Variants in KCNQ3 observed in about 807,000 individuals in gnomAD.
KCNQ3 encodes potassium voltage-gated channel subfamily Q member 3.
A neutral mutation model predicts 92.5 loss-of-function variants in KCNQ3; 30 were observed. The ratio of observed to expected loss-of-function variants is 0.32; its 90% CI spans 0.24 to 0.44. KCNQ3 has a LOEUF of 0.44. Ranked by LOEUF, KCNQ3 falls within the 20% of genes least tolerant of loss-of-function variation. The pLI, the probability that KCNQ3 is intolerant of heterozygous loss-of-function variation, is 1.00. For synonymous variants in KCNQ3, 450 were observed against 468.8 expected, an observed-to-expected ratio of 0.96 and a Z score of 0.52; for missense variants, 913 against 1,140.3, an observed-to-expected ratio of 0.80 and a Z score of 2.87.
intron 1 of KCNQ3, among the ~76,000 whole-genome samples, chr8:132,268,426 A>AT (rs1237514948): frequency 6.6e-6 from 1 of 151,896 alleles, no homozygotes; most frequent in Non-Finnish European, 1.5e-5. Flanking sequence ...ACCTGGCTAA[A>AT]TTTTGTATTT....
Position 132,135,304 on chromosome 8 carries a change from T to C in KCNQ3, c.1701-916A>G, listed in dbSNP as rs180874179. On this transcript the variant is annotated intron_variant, in intron 12 of 14. Transcript: ENST00000388996. ...CTGTGAGTCATTGGTTCCTGCTCTATGCCTGGACCAATAGGAAAGAAATGT... is the reference window on the plus strand; with the variant it reads ...CTGTGAGTCATTGGTTCCTGCTCTACGCCTGGACCAATAGGAAAGAAATGT... Among the ~76,000 whole-genome samples, 9 of 151,944 alleles carry C rather than the reference T, an allele frequency of 5.9e-5. No individual in the cohort carries two copies. In the East Asian group the frequency reaches 1.7e-3, roughly 30 times the overall value.
Position 132,123,359 on chromosome 8 carries a change from C to T in KCNQ3, c.*5903G>A, listed in dbSNP as rs1205004741. 1.3e-5 allele frequency: 2 copies of T among 152,266 alleles called. No homozygotes were observed. The highest frequency in any genetic ancestry group is 2.4e-5 in the African/African-American group (1 of 41,452). The allele number at this position is 152,266 out of a possible 1,614,324, so 9.4% of individuals were successfully genotyped here. On this transcript the variant is annotated 3_prime_UTR_variant, in exon 15 of 15. Coordinates refer to ENST00000388996, the MANE Select transcript of KCNQ3 (RefSeq NM_004519.4). ...CATGGGATTGTTCTTCATTCCCTTTCTCAACTGCACCCAGCAGCAGTGGTT... is the reference window on the plus strand; with the variant it reads ...CATGGGATTGTTCTTCATTCCCTTTTTCAACTGCACCCAGCAGCAGTGGTT...
chr8:132,194,286 GA>G (rs1285485191), intron 1 of KCNQ3, among the ~76,000 whole-genome samples: 1 of 152,204 alleles, frequency 6.6e-6, no homozygotes, highest in African/African-American at 2.4e-5. Context: ...TCGATCTTAA[GA>G]AGGAGACATA....
chr8:132,132,130 A>T, intron 14 of KCNQ3, 50 bp downstream of exon 14: 2 of 1,179,222 alleles, frequency 1.7e-6, no homozygotes, highest in Non-Finnish European at 2.5e-6. Context: ...ATGGCATTTG[A>T]AAATAAATGT....
intron 1 of KCNQ3, among the ~76,000 whole-genome samples, chr8:132,279,370 CATT>C (rs757941499): frequency 2.6e-5 from 4 of 152,146 alleles, no homozygotes; most frequent in Non-Finnish European, 5.9e-5. Context: ...AGAGGATCAA[CATT>C]ATGTGTAGCT....
At chr8:132,461,402 A>G (rs753489860) in intron 1 of KCNQ3, among the ~76,000 whole-genome samples, 4 of 152,038 alleles carry the variant, frequency 2.6e-5, no homozygotes, top group Admixed American at 1.3e-4. Flanking sequence ...CGTCTCCACT[A>G]AAAAATACAA....
chr8:132,331,051 G>T (rs1422226889), intron 1 of KCNQ3, among the ~76,000 whole-genome samples: 1 of 152,186 alleles, frequency 6.6e-6, no homozygotes, highest in Non-Finnish European at 1.5e-5. Context: ...CCCTTGGGTG[G>T]CTGGATGCTG....
At chr8:132,355,430 C>T (rs753387920) in intron 1 of KCNQ3, among the ~76,000 whole-genome samples, 24 of 152,142 alleles carry the variant, frequency 1.6e-4, no homozygotes, top group Non-Finnish European at 2.8e-4. Flanking sequence ...CTGACCCAAG[C>T]TGAGCCAATC....
intron 1 of KCNQ3, among the ~76,000 whole-genome samples, chr8:132,296,199 T>C (rs979784116): frequency 6.6e-6 from 1 of 152,176 alleles, no homozygotes; most frequent in Non-Finnish European, 1.5e-5. Flanking sequence ...AACACTTCCA[T>C]CATCACAGAA....
chr8:132,337,451 T>C (rs1818396096), intron 1 of KCNQ3, among the ~76,000 whole-genome samples: 1 of 152,088 alleles, frequency 6.6e-6, no homozygotes, highest in African/African-American at 2.4e-5. Context: ...TAAGCCATGA[T>C]TGTGATCGTA....
intron 1 of KCNQ3, among the ~76,000 whole-genome samples, chr8:132,283,421 C>G (rs1816590453): frequency 6.6e-6 from 1 of 152,210 alleles, no homozygotes; most frequent in African/African-American, 2.4e-5. Flanking sequence ...GTATTTCTCT[C>G]AACAGGAAAC....
At chr8:132,386,746 A>G (rs1245128254) in intron 1 of KCNQ3, among the ~76,000 whole-genome samples, 1 of 152,112 alleles carries the variant, frequency 6.6e-6, no homozygotes, top group African/African-American at 2.4e-5. Context: ...TTTTTCTTTC[A>G]CTTATTAATG....
chr8:132,170,618 A>C (rs1024389799), intron 7 of KCNQ3, among the ~76,000 whole-genome samples, 190 bp from the exon 8 acceptor site: 6 of 152,150 alleles, frequency 3.9e-5, no homozygotes, highest in African/African-American at 1.4e-4. Flanking sequence ...TTCCTTGACC[A>C]TCTTGGAGCT....
intron 1 of KCNQ3, among the ~76,000 whole-genome samples, chr8:132,343,980 G>A (rs1818609655): frequency 6.6e-6 from 1 of 152,188 alleles, no homozygotes; most frequent in African/African-American, 2.4e-5. Flanking sequence ...TCAGATAAGT[G>A]GCACATGTTC....
intron 1 of KCNQ3, among the ~76,000 whole-genome samples, chr8:132,196,968 C>T (rs1827316784): frequency 6.6e-6 from 1 of 151,154 alleles, no homozygotes; most frequent in Admixed American, 6.6e-5. Context: ...TGAATTTTAG[C>T]TTAGATGGGT....
At chr8:132,461,418 A>G (rs576578438) in intron 1 of KCNQ3, among the ~76,000 whole-genome samples, 57 of 152,238 alleles carry the variant, frequency 3.7e-4, no homozygotes, top group African/African-American at 1.2e-3. Flanking sequence ...TACAAAAACT[A>G]GCCGGGCGTG....
At position 132,132,248 on chromosome 8, in the gene KCNQ3, C is replaced by T. The variant is rs779827549; in HGVS notation, c.1816G>A (p.Ala606Thr). ...TCGATTTCTGATGTGGATGGTCTGGCTACATATGGTTCATTCCTAAGAAGA... is the reference window on the plus strand; with the variant it reads ...TCGATTTCTGATGTGGATGGTCTGGTTACATATGGTTCATTCCTAAGAAGA... ...QQSPRNEPYVARPSTSEIEDQ... is the reference protein window; with the variant it reads ...QQSPRNEPYVTRPSTSEIEDQ... The change falls in exon 14 of 15, where the codon GCC becomes ACC. Residue 606 changes from alanine to threonine, a missense_variant. Physicochemically the swap from Ala to Thr is moderately conservative, Grantham distance 58. Around this residue, in one of 6 missense-constraint regions of KCNQ3, gnomAD observed 375 missense variants for 376.4 expected, o/e 1.00. Transcript: ENST00000388996. 1.2e-6 allele frequency: 2 copies of T among 1,613,058 alleles called. No homozygotes were observed. The highest frequency in any genetic ancestry group is 1.7e-6 in the Non-Finnish European group (2 of 1,179,016).
chr8:132,368,992 G>A (rs1173595319), intron 1 of KCNQ3, among the ~76,000 whole-genome samples: 1 of 152,128 alleles, frequency 6.6e-6, no homozygotes, highest in African/African-American at 2.4e-5. Context: ...TCTAGACTAT[G>A]ACAGTTTTTT....
intron 1 of KCNQ3, among the ~76,000 whole-genome samples, chr8:132,230,109 G>A (rs7013940): frequency 0.015 from 2,251 of 152,236 alleles, 59 homozygotes; most frequent in African/African-American, 0.052. Flanking sequence ...TACCTCAACA[G>A]TTTTCAGATG....
Sources: allele counts gnomAD v4.1 joint callset (sites outside exome capture counted in the v4.1 genomes callset), GRCh38; gene constraint gnomAD v4.1.1; regional missense constraint gnomAD v4.1.1; transcripts MANE v1.5; gene names NCBI Gene and HGNC (gene_info 2026-07-23, HGNC 2026-07-21).